Variants in HYAL4 observed in about 807,000 individuals in gnomAD.
HYAL4 encodes the protein hyaluronidase 4.
Under a neutral mutation model 35.2 loss-of-function variants are expected in HYAL4, and 37 were observed. The ratio of observed to expected loss-of-function variants is 1.05; its 90% CI spans 0.81 to 1.38. The LOEUF is 1.38. Among genes scored for constraint, HYAL4 ranks in the 40% most tolerant of loss-of-function variants. The pLI, the probability that HYAL4 is intolerant of heterozygous loss-of-function variation, is 0.00. For missense variants in HYAL4, 572 were observed against 572.4 expected (o/e 1.00, Z 0.01); for synonymous variants, 198 against 203.2 (o/e 0.97, Z 0.22).
At chr7:123,800,805 C>CGTCA in the HYAL4 span, among the ~76,000 whole-genome samples, 2 of 151,382 alleles carry the variant, frequency 1.3e-5, no homozygotes, top group African/African-American at 4.9e-5. Context: ...TACAGGCACG[C>CGTCA]GTCACCACGC....
the HYAL4 span, among the ~76,000 whole-genome samples, chr7:123,782,902 GT>G: frequency 2.6e-5 from 4 of 151,726 alleles, no homozygotes; most frequent in Admixed American, 6.6e-5. Flanking sequence ...CTTAAAATTA[GT>G]TTAACCATAT....
intron 2 of HYAL4, among the ~76,000 whole-genome samples, chr7:123,862,192 AAT>A (rs1806589913): frequency 6.6e-6 from 1 of 152,154 alleles, no homozygotes; most frequent in South Asian, 2.1e-4. Context: ...CAGTCTGATA[AAT>A]ATATATGAGT....
At chr7:123,824,124 G>T (rs540491371), upstream of HYAL4, among the ~76,000 whole-genome samples, 2 of 152,160 alleles carry the variant, frequency 1.3e-5, no homozygotes, top group Admixed American at 6.6e-5. Flanking sequence ...TCACCTACTA[G>T]CTGTGTGACC....
chr7:123,773,186 G>A, the HYAL4 span, among the ~76,000 whole-genome samples: 2 of 152,108 alleles, frequency 1.3e-5, no homozygotes, highest in African/African-American at 4.8e-5. Context: ...TAATTAAGGA[G>A]TTTTCGCTGT....
the HYAL4 span, chr7:123,819,272 C>A: frequency 6.6e-6 from 1 of 152,546 alleles, no homozygotes; most frequent in Non-Finnish European, 1.5e-5. Context: ...GGGATTGAGT[C>A]TTATTATTGC....
intron 2 of HYAL4, among the ~76,000 whole-genome samples, chr7:123,860,092 TTCTCAC>T (rs1806544287): frequency 6.6e-6 from 1 of 152,168 alleles, no homozygotes; most frequent in Non-Finnish European, 1.5e-5. Context: ...AATGCATGAG[TTCTCAC>T]AAGATCTGAT....
At chr7:123,772,790 T>G in the HYAL4 span, among the ~76,000 whole-genome samples, 3 of 152,210 alleles carry the variant, frequency 2.0e-5, no homozygotes, top group Non-Finnish European at 2.9e-5. Context: ...AAGCTGCTTC[T>G]GTGCCTTTTG....
At chr7:123,869,491 A>G (rs1023594269) in intron 3 of HYAL4, among the ~76,000 whole-genome samples, 15 of 152,196 alleles carry the variant, frequency 9.9e-5, no homozygotes, top group South Asian at 4.1e-4. Context: ...CATTTCCTGC[A>G]CACCAACTTT....
intron 1 of HYAL4, among the ~76,000 whole-genome samples, chr7:123,831,281 C>T (rs1805879607): frequency 6.6e-6 from 1 of 152,168 alleles, no homozygotes; most frequent in South Asian, 2.1e-4. Flanking sequence ...TGCTGTGATG[C>T]AGCATGAAAG....
In HYAL4 at chr7:123,848,137, C is replaced by G. The variant is rs1806215010; in HGVS notation, c.-73C>G. ...TGATTTGCACAAGGTGACTAAAGGACCAGCAGCAAACAAAAGCAAAGGTAA... is the reference window on the plus strand; with the variant it reads ...TGATTTGCACAAGGTGACTAAAGGAGCAGCAGCAAACAAAAGCAAAGGTAA... On this transcript the variant is annotated 5_prime_UTR_variant, in exon 2 of 5. Transcript: ENST00000223026. The G allele has an allele frequency of 6.6e-6, 1 of 152,504 alleles. No individual in the cohort carries two copies. The highest frequency in any genetic ancestry group is 1.5e-5 in the Non-Finnish European group (1 of 68,030). The allele number at this position is 152,504 out of a possible 1,614,324, so 9.4% of individuals were successfully genotyped here. A position where few individuals can be genotyped will look rare whatever the true frequency, so the allele number is the denominator to read the frequency against.
chr7:123,829,731 C>G (rs644003), intron 1 of HYAL4, among the ~76,000 whole-genome samples: 2 of 152,074 alleles, frequency 1.3e-5, no homozygotes, highest in South Asian at 4.1e-4. Flanking sequence ...CAACTTCAGC[C>G]TGAGGTGGGA....
the HYAL4 span, among the ~76,000 whole-genome samples, chr7:123,809,587 C>T: frequency 6.6e-6 from 1 of 151,740 alleles, no homozygotes; most frequent in Admixed American, 6.6e-5. Flanking sequence ...TTTGTAGAGA[C>T]AGGGTTTCGC....
intron 2 of HYAL4, among the ~76,000 whole-genome samples, chr7:123,850,679 G>A (rs1488387895): frequency 6.6e-6 from 1 of 152,138 alleles, no homozygotes; most frequent in Admixed American, 6.5e-5. Context: ...TGAATCCTGT[G>A]CTCTGTCTTA....
the HYAL4 span, among the ~76,000 whole-genome samples, chr7:123,769,243 G>A: frequency 6.6e-6 from 1 of 152,174 alleles, no homozygotes; most frequent in Non-Finnish European, 1.5e-5. Context: ...TTGGGAAGAT[G>A]TAAAGATTAA....
At chr7:123,850,462 A>G (rs982032092) in intron 2 of HYAL4, among the ~76,000 whole-genome samples, 2 of 152,110 alleles carry the variant, frequency 1.3e-5, no homozygotes, top group African/African-American at 4.8e-5. Context: ...GCTGGTCTCT[A>G]ACTCTTGGGC....
At chr7:123,872,540 C>G (rs373537119) in intron 3 of HYAL4, among the ~76,000 whole-genome samples, 2 of 152,200 alleles carry the variant, frequency 1.3e-5, no homozygotes, top group Non-Finnish European at 2.9e-5. Flanking sequence ...CCCTCTACTT[C>G]TGAAACCTTG....
the HYAL4 span, among the ~76,000 whole-genome samples, chr7:123,800,243 C>T: frequency 2.7e-5 from 4 of 150,790 alleles, no homozygotes; most frequent in East Asian, 7.8e-4. Flanking sequence ...GATCTCGGCT[C>T]ACTGCAAGCT....
At chr7:123,794,889 T>C in the HYAL4 span, among the ~76,000 whole-genome samples, 3 of 152,158 alleles carry the variant, frequency 2.0e-5, no homozygotes, top group African/African-American at 7.2e-5. Context: ...GACCCCAGAA[T>C]AGGTAGATCC....
chr7:123,868,344 T>C lies in HYAL4; in HGVS notation c.71T>C (p.Leu24Pro). 6.2e-7 allele frequency: 1 copy of C among 1,600,496 alleles called. No homozygotes were observed. The highest frequency in any genetic ancestry group is 1.1e-5 in the South Asian group (1 of 87,670). The change falls in exon 3 of 5, where the codon CTT becomes CCT. Residue 24 changes from leucine to proline, a missense_variant. Physicochemically the swap from Leu to Pro is moderately conservative, Grantham distance 98. Transcript: ENST00000223026. ...VQPVHLTSWLLIFFILKSISC... is the reference protein window; with the variant it reads ...VQPVHLTSWLPIFFILKSISC... ...CCAGTACATCTCACTTCATGGCTCC[T>C]TATATTTTTTATTCTAAAGTCTATC...
Sources: allele counts gnomAD v4.1 joint callset (sites outside exome capture counted in the v4.1 genomes callset), GRCh38; gene constraint gnomAD v4.1.1; transcripts MANE v1.5; gene names NCBI Gene and HGNC (gene_info 2026-07-23, HGNC 2026-07-21).